The following B3GAT2 variants were observed in gnomAD, a reference collection of about 807,000 sequenced individuals.
The protein encoded by B3GAT2 is beta-1,3-glucuronyltransferase 2.
Under a neutral mutation model 27.8 loss-of-function variants are expected in B3GAT2, and 26 were observed. The ratio of observed to expected loss-of-function variants is 0.93; its 90% CI spans 0.68 to 1.30. The LOEUF is 1.30. B3GAT2 is among the 50% of genes most tolerant of loss of function. The pLI is 0.00. For missense variants in B3GAT2, 458 were observed against 459.0 expected (o/e 1.00, Z 0.02); for synonymous variants, 218 against 195.1 (o/e 1.12, Z -0.98).
intron 1 of B3GAT2, among the ~76,000 whole-genome samples, chr6:70,953,144 G>A (rs1765600920): frequency 6.6e-6 from 1 of 152,158 alleles, no homozygotes; most frequent in South Asian, 2.1e-4. Flanking sequence ...TAATTGGTGT[G>A]CATGCACAAT....
chr6:70,862,148 A>G, intron 2 of B3GAT2, 170 bp from the exon 3 acceptor site: 5 of 627,620 alleles, frequency 8.0e-6, no homozygotes, highest in Non-Finnish European at 1.4e-5. Flanking sequence ...CTCAAAGGAA[A>G]ATCAGTCATT....
chr6:70,937,417 C>T (rs1286442137), intron 1 of B3GAT2, among the ~76,000 whole-genome samples: 2 of 151,852 alleles, frequency 1.3e-5, no homozygotes, highest in Non-Finnish European at 2.9e-5. Context: ...CCAGCATCAT[C>T]CTGATACCAA....
At chr6:70,891,053 G>A (rs1213146354) in intron 2 of B3GAT2, among the ~76,000 whole-genome samples, 3 of 152,222 alleles carry the variant, frequency 2.0e-5, no homozygotes, top group African/African-American at 7.2e-5. Flanking sequence ...AGTGGCTGAA[G>A]TGAGTCTGTC....
At chr6:70,949,131 G>C (rs970350406) in intron 1 of B3GAT2, among the ~76,000 whole-genome samples, 1 of 152,010 alleles carries the variant, frequency 6.6e-6, no homozygotes, top group Non-Finnish European at 1.5e-5. Flanking sequence ...TTACCATTCA[G>C]GACATAGGCA....
intron 2 of B3GAT2, 29 bp from the exon 3 acceptor site, chr6:70,862,007 A>C: frequency 6.4e-7 from 1 of 1,554,774 alleles, no homozygotes; most frequent in Non-Finnish European, 8.7e-7. Context: ...AAAAAAAGAG[A>C]CTTTAAAATC....
At position 70,859,366 on chromosome 6, in the gene B3GAT2, T is replaced by A; in HGVS notation, c.*2297A>T. On this transcript the variant is annotated 3_prime_UTR_variant, in exon 4 of 4. Transcript: ENST00000230053. Reference sequence around the variant, plus strand: ...GGTGATGCTGTTCTCCAGCACTCCATCAGTGCAATCTACTGGCCAATGACA... The same window carrying A: ...GGTGATGCTGTTCTCCAGCACTCCAACAGTGCAATCTACTGGCCAATGACA... 4 of 1,549,534 alleles carry A rather than the reference T, an allele frequency of 2.6e-6. No homozygotes were observed. The South Asian group carries it at 4.8e-5, about 18-fold the overall frequency.
At chr6:70,929,570 A>G (rs1773026021) in intron 1 of B3GAT2, among the ~76,000 whole-genome samples, 1 of 152,180 alleles carries the variant, frequency 6.6e-6, no homozygotes. Flanking sequence ...AGAGAGACAA[A>G]TCATGAGTGA....
chr6:70,871,044 GT>G (rs1451862309), intron 2 of B3GAT2, among the ~76,000 whole-genome samples: 1 of 151,838 alleles, frequency 6.6e-6, no homozygotes, highest in Non-Finnish European at 1.5e-5. Context: ...GATATGGTGT[GT>G]TACATTGATT....
At chr6:70,937,210 T>G (rs1186186108) in intron 1 of B3GAT2, among the ~76,000 whole-genome samples, 1 of 151,954 alleles carries the variant, frequency 6.6e-6, no homozygotes, top group Non-Finnish European at 1.5e-5. Context: ...AGGAAGAAGT[T>G]GAATCTCTGA....
At chr6:70,933,364 A>G (rs988389502) in intron 1 of B3GAT2, among the ~76,000 whole-genome samples, 2 of 152,192 alleles carry the variant, frequency 1.3e-5, no homozygotes, top group East Asian at 1.9e-4. Flanking sequence ...AGAGGCAAAT[A>G]GTTAAATTCA....
intron 2 of B3GAT2, among the ~76,000 whole-genome samples, chr6:70,893,854 G>A (rs919525713): frequency 6.6e-6 from 1 of 152,174 alleles, no homozygotes; most frequent in African/African-American, 2.4e-5. Context: ...GGCCAACCCA[G>A]TAGCTGCCAT....
At chr6:70,902,627 TATATATATATAC>T (rs1311612898) in intron 1 of B3GAT2, among the ~76,000 whole-genome samples, 1 of 142,014 alleles carries the variant, frequency 7.0e-6, no homozygotes, top group Non-Finnish European at 1.5e-5. Context: ...GATATATATA[TATATATATATAC>T]ACACACACAC....
intron 2 of B3GAT2, among the ~76,000 whole-genome samples, chr6:70,884,800 G>C (rs557349751): frequency 6.6e-6 from 1 of 152,338 alleles, no homozygotes; most frequent in African/African-American, 2.4e-5. Context: ...TCAGCTTAGG[G>C]CAATGCCGAC....
chr6:70,861,974 A>C lies in B3GAT2; in HGVS notation c.741T>G (p.Phe247Leu). ...DRPFAIDMAG[F>L]AVSLQVILSN... The stretch of plus-strand genomic sequence containing the variant: ...ACAAAATGACTTGAAGACTTACAGC[A>C]AATCCTTTGTGAAAAATAAAAAAAA... The change falls in exon 3 of 4, where the codon TTT (phenylalanine) becomes TTG (leucine). Residue 247 changes from phenylalanine to leucine, a missense_variant. Physicochemically the swap from Phe to Leu is conservative, Grantham distance 22. Coordinates refer to ENST00000230053, the MANE Select transcript of B3GAT2 (RefSeq NM_080742.3). 6.3e-7 allele frequency: 1 copy of C among 1,584,932 alleles called. No individual in the cohort carries two copies. The highest frequency in any genetic ancestry group is 8.6e-7 in the Non-Finnish European group (1 of 1,169,120).
At chr6:70,880,736 G>A (rs534346609) in intron 2 of B3GAT2, among the ~76,000 whole-genome samples, 14 of 151,820 alleles carry the variant, frequency 9.2e-5, no homozygotes, top group African/African-American at 3.1e-4. Context: ...GATGATCTCA[G>A]CTCACTGTAA....
chr6:70,955,725 AG>A (rs1217236574), intron 1 of B3GAT2, 113 bp downstream of exon 1: 18 of 1,231,460 alleles, frequency 1.5e-5, no homozygotes, highest in Non-Finnish European at 2.2e-6. Flanking sequence ...GCGCGCACGG[AG>A]AACTGAGAAC....
In B3GAT2 at chr6:70,860,042, C is replaced by T; in HGVS notation, c.*1621G>A. On this transcript the variant is annotated 3_prime_UTR_variant, in exon 4 of 4. Transcript: ENST00000230053. Reference sequence around the variant, plus strand: ...GTAGATAAAGAAGGGAACAAAGTAGCTATTTGCTTTAAGAAATATTTGTAT... The same window carrying T: ...GTAGATAAAGAAGGGAACAAAGTAGTTATTTGCTTTAAGAAATATTTGTAT... 2 of 698,248 alleles carry T rather than the reference C, an allele frequency of 2.9e-6. No homozygotes were observed. The highest frequency in any genetic ancestry group is 6.5e-5 in the South Asian group (2 of 30,572). 43.3% of individuals were successfully genotyped at this position (698,248 alleles called of 1,614,324 possible).
intron 1 of B3GAT2, among the ~76,000 whole-genome samples, chr6:70,934,071 A>C (rs925870479): frequency 6.6e-6 from 1 of 152,192 alleles, no homozygotes; most frequent in Non-Finnish European, 1.5e-5. Context: ...TGAAAAAAGC[A>C]CTAGTCAGTT....
chr6:70,923,521 A>T (rs1424427727), intron 1 of B3GAT2, among the ~76,000 whole-genome samples: 1 of 152,112 alleles, frequency 6.6e-6, no homozygotes, highest in Non-Finnish European at 1.5e-5. Flanking sequence ...AAATTTTTTT[A>T]AAGAAGTAGC....
Sources: gnomAD v4.1 joint callset for allele counts (sites outside exome capture counted in the v4.1 genomes callset) on GRCh38, gnomAD v4.1.1 for gene constraint, MANE v1.5 for transcripts, NCBI Gene and HGNC (gene_info 2026-07-23, HGNC 2026-07-21) for gene names.